TRIB2: variants seen among roughly 807,000 people sequenced by gnomAD.
TRIB2 encodes the protein tribbles homolog 2.
In TRIB2, 2 loss-of-function variants were observed where a neutral mutation model predicts 26.8. The ratio of observed to expected loss-of-function variants is 0.07; its 90% confidence interval spans 0.03 to 0.24. TRIB2 has a LOEUF of 0.24. Among genes scored for constraint, TRIB2 ranks in the 10% least tolerant of loss-of-function variants. TRIB2 has a pLI of 1.00. For synonymous variants in TRIB2, 189 were observed against 187.3 expected (o/e 1.01, Z -0.08); for missense variants, 306 against 449.0 (o/e 0.68, Z 2.88).
chr2:12,724,293 C>T (rs1661290014), intron 2 of TRIB2, among the ~76,000 whole-genome samples: 1 of 152,248 alleles, frequency 6.6e-6, no homozygotes, highest in Non-Finnish European at 1.5e-5. Flanking sequence ...GACAGCTGGA[C>T]AGGATGCAGG....
intron 2 of TRIB2, among the ~76,000 whole-genome samples, chr2:12,739,859 T>C (rs1267063252): frequency 6.6e-6 from 1 of 152,190 alleles, no homozygotes; most frequent in Admixed American, 6.5e-5. Flanking sequence ...GAAAGGTCTT[T>C]GTGGACTGTG....
chr2:12,728,904 T>C lies in TRIB2; in HGVS notation c.563+5352T>C, dbSNP rs182393844. Among the ~76,000 whole-genome samples the C allele has an allele frequency of 3.4e-4, 52 of 152,278 alleles. No individual in the cohort carries two copies. In the East Asian group the frequency reaches 5.4e-3, roughly 16 times the overall value. On this transcript the variant is annotated intron_variant, in intron 2 of 2. Coordinates refer to ENST00000155926, the MANE Select transcript of TRIB2 (RefSeq NM_021643.4). Reference sequence around the variant, plus strand: ...GATCTTCAAGTTGCACCCGCCTCCATTGAGGTCTCAGTATCTAACAGAGTA... The same window carrying C: ...GATCTTCAAGTTGCACCCGCCTCCACTGAGGTCTCAGTATCTAACAGAGTA...
At chr2:12,720,140 G>A (rs991223327) in intron 1 of TRIB2, among the ~76,000 whole-genome samples, 1 of 152,228 alleles carries the variant, frequency 6.6e-6, no homozygotes, top group Non-Finnish European at 1.5e-5. Flanking sequence ...GCCAAATTCT[G>A]CAGGGGCATC....
In TRIB2 at chr2:12,718,616, G is replaced by A. The variant is rs199927235; in HGVS notation, c.270+39G>A. On this transcript the variant is annotated intron_variant, in intron 1 of 2. Coordinates refer to ENST00000155926, the MANE Select transcript of TRIB2 (RefSeq NM_021643.4). The surrounding 1 kb of genome is among the most constrained non-coding windows in gnomAD (Gnocchi z 4.0). The stretch of plus-strand genomic sequence containing the variant: ...GGGTTGCTTTTTGTCTTTGGAAGGG[G>A]CCCGAGGGAGCGGGAGGGCGCCAGG... 2.1e-5 allele frequency: 33 copies of A among 1,595,628 alleles called. No homozygotes were observed. The East Asian group carries it at 7.0e-4, about 34-fold the overall frequency.
chr2:12,725,489 G>C (rs950083691), intron 2 of TRIB2, among the ~76,000 whole-genome samples: 7 of 152,144 alleles, frequency 4.6e-5, no homozygotes, highest in Admixed American at 3.3e-4. Flanking sequence ...GCCTCACCTG[G>C]GCTGTGGAGG....
intron 2 of TRIB2, among the ~76,000 whole-genome samples, chr2:12,726,591 A>G (rs1029322563): frequency 3.3e-5 from 5 of 152,218 alleles, no homozygotes; most frequent in Non-Finnish European, 5.9e-5. Context: ...TAAGGAAGCA[A>G]TGGGTTAAAT....
chr2:12,738,852 A>G (rs1354700491), intron 2 of TRIB2, among the ~76,000 whole-genome samples: 1 of 152,162 alleles, frequency 6.6e-6, no homozygotes, highest in Non-Finnish European at 1.5e-5. Context: ...CTCACTTCCA[A>G]AAGTATTTCC....
chr2:12,729,539 C>T (rs1661410530), intron 2 of TRIB2, among the ~76,000 whole-genome samples: 1 of 152,102 alleles, frequency 6.6e-6, no homozygotes, highest in South Asian at 2.1e-4. Context: ...AGAAATTTAC[C>T]CATCATTTCC....
chr2:12,740,001 T>C lies in TRIB2; in HGVS notation c.564-325T>C, dbSNP rs1661678553. Among the ~76,000 whole-genome samples the C allele has an allele frequency of 1.3e-5, 2 of 152,184 alleles. No homozygotes were observed. Among genetic ancestry groups the C allele is most frequent in the African/African-American group, 4.8e-5 (2 of 41,440 alleles). ...ATGTGACTTTGAGAAAGCTAGTTAATCTCTTGTTCCCTCATCGCAGGGGTG... is the reference window on the plus strand; with the variant it reads ...ATGTGACTTTGAGAAAGCTAGTTAACCTCTTGTTCCCTCATCGCAGGGGTG... On this transcript the variant is annotated intron_variant, in intron 2 of 2. Coordinates refer to ENST00000155926, the MANE Select transcript of TRIB2 (RefSeq NM_021643.4). This position sits in a 1 kb window ranked among gnomAD's most constrained non-coding sequence, Gnocchi z 5.8.
chr2:12,740,867 C>A lies in TRIB2; in HGVS notation c.*73C>A. On this transcript the variant is annotated 3_prime_UTR_variant, in exon 3 of 3. Coordinates refer to ENST00000155926, the MANE Select transcript of TRIB2 (RefSeq NM_021643.4). The surrounding 1 kb of genome is among the most constrained non-coding windows in gnomAD (Gnocchi z 5.8). ...AGCGGAAAGGAGTTCTTCCGGGGGA[C>A]ACGAATTGCCTGGCTGAGTAGCAAG... The A allele has an allele frequency of 7.3e-7, 1 of 1,367,422 alleles. No individual in the cohort carries two copies. Among genetic ancestry groups the A allele is most frequent in the Admixed American group, 2.0e-5 (1 of 49,232 alleles). The allele number at this position is 1,367,422 out of a possible 1,614,324, so 84.7% of individuals were successfully genotyped here. A position where few individuals can be genotyped will look rare whatever the true frequency, so the allele number is the denominator to read the frequency against.
At position 12,718,058 on chromosome 2, in the gene TRIB2, T is replaced by C; in HGVS notation, c.-250T>C. On this transcript the variant is annotated 5_prime_UTR_variant, in exon 1 of 3. Coordinates refer to ENST00000155926, the MANE Select transcript of TRIB2 (RefSeq NM_021643.4). The surrounding 1 kb of genome is among the most constrained non-coding windows in gnomAD (Gnocchi z 4.0). ...GCGATTCTGCACATCGCCGACTGCTTTGGGGTAACAAAAAGACCCGAGTTG... is the reference window on the plus strand; with the variant it reads ...GCGATTCTGCACATCGCCGACTGCTCTGGGGTAACAAAAAGACCCGAGTTG... 1.8e-6 allele frequency: 1 copy of C among 556,666 alleles called. No individual in the cohort carries two copies. The highest frequency in any genetic ancestry group is 3.2e-6 in the Non-Finnish European group (1 of 314,162). The allele number at this position is 556,666 out of a possible 1,614,324, so 34.5% of individuals were successfully genotyped here.
chr2:12,731,085 T>C (rs1425552325), intron 2 of TRIB2, among the ~76,000 whole-genome samples: 1 of 152,242 alleles, frequency 6.6e-6, no homozygotes, highest in Non-Finnish European at 1.5e-5. Flanking sequence ...AGAGAGTCCT[T>C]GCCTAATGGA....
Position 12,718,892 on chromosome 2 carries a change from C to CG in TRIB2, c.270+322dup, listed in dbSNP as rs917064481. Among the ~76,000 whole-genome samples the CG allele has an allele frequency of 2.0e-5, 3 of 151,826 alleles. No homozygotes were observed. The highest frequency in any genetic ancestry group is 7.3e-5 in the African/African-American group (3 of 41,324). On this transcript the variant is annotated intron_variant, in intron 1 of 2. Transcript: ENST00000155926. The surrounding 1 kb of genome is among the most constrained non-coding windows in gnomAD (Gnocchi z 4.0). ...CTGCGCGAGGCCGGGTCCCGCTGCC[C>CG]GGGGGGGATTTCTTCCTGTGTCTAG... is the stretch of plus-strand genomic sequence containing the variant.
rs1200568507 is a variant in TRIB2, at chr2:12,717,037, CG to C, written c.-1266del. ...TAAGTAACTATTAATACCGCCTCGC[CG>C]GGGGATGCGGGCGTGCTGAGCGCGG... is the stretch of plus-strand genomic sequence containing the variant. On this transcript the variant is annotated 5_prime_UTR_variant, in exon 1 of 3. Transcript: ENST00000155926. The surrounding 1 kb of genome is among the most constrained non-coding windows in gnomAD (Gnocchi z 4.8). The C allele has an allele frequency of 9.5e-6, 2 of 210,200 alleles. No individual in the cohort carries two copies. Among genetic ancestry groups the C allele is most frequent in the Non-Finnish European group, 1.9e-5 (2 of 107,206 alleles). 13.0% of individuals were successfully genotyped at this position (210,200 alleles called of 1,614,324 possible).
chr2:12,736,718 G>C (rs1284880650), intron 2 of TRIB2, among the ~76,000 whole-genome samples: 2 of 152,210 alleles, frequency 1.3e-5, no homozygotes, highest in Non-Finnish European at 2.9e-5. Flanking sequence ...GCAAACTTAA[G>C]TGTTGTTCTC....
At chr2:12,739,484 T>TCCTGGCCTCAGGTGATC (rs67774911) in intron 2 of TRIB2, among the ~76,000 whole-genome samples, 12 of 151,538 alleles carry the variant, frequency 7.9e-5, no homozygotes, top group African/African-American at 1.9e-4. Flanking sequence ...GGTCTTGAAC[T>TCCTGGCCTCAGGTGATC]CACCCGCCTT....
Position 12,740,488 on chromosome 2 carries a change from G to T in TRIB2, c.726G>T (p.Val242=), listed in dbSNP as rs1309023386. 1 of 1,614,058 alleles carries T rather than the reference G, an allele frequency of 6.2e-7. No homozygotes were observed. ...GKAADVWSLG[V]MLYTMLVGRY... ...CAGCCGACGTGTGGAGCCTGGGGGT[G>T]ATGCTGTACACCATGTTGGTGGGGC... Residue 242 remains valine, a synonymous_variant, in exon 3 of 3, where the codon GTG becomes GTT. Coordinates refer to ENST00000155926, the MANE Select transcript of TRIB2 (RefSeq NM_021643.4). The surrounding 1 kb of genome is among the most constrained non-coding windows in gnomAD (Gnocchi z 5.8).
intron 2 of TRIB2, among the ~76,000 whole-genome samples, chr2:12,725,824 C>T (rs1661329887): frequency 1.3e-5 from 2 of 152,220 alleles, no homozygotes; most frequent in Non-Finnish European, 2.9e-5. Context: ...CTATATAGTC[C>T]CTACAGCATG....
chr2:12,721,136 C>T (rs1044477864), intron 1 of TRIB2, among the ~76,000 whole-genome samples: 149 of 152,274 alleles, frequency 9.8e-4, no homozygotes, highest in African/African-American at 3.4e-3. Flanking sequence ...GGCTCCTTCT[C>T]GTGTGGGAAA....
Sources: gnomAD v4.1 joint callset for allele counts (sites outside exome capture counted in the v4.1 genomes callset) on GRCh38, gnomAD v4.1.1 for gene constraint, Gnocchi (gnomAD v3.1) non-coding constraint, MANE v1.5 for transcripts, NCBI Gene and HGNC (gene_info 2026-07-23, HGNC 2026-07-21) for gene names.